RAD51C: variants seen among roughly 807,000 people sequenced by gnomAD.
RAD51C encodes DNA repair protein RAD51 homolog 3.
A neutral mutation model predicts 45.0 loss-of-function variants in RAD51C; 42 were observed. The observed-to-expected ratio is 0.93, with a 90% CI of 0.73 to 1.21. The LOEUF (loss-of-function observed/expected upper bound fraction) is 1.21. Ranked by LOEUF, RAD51C falls within the 50% of genes most tolerant of loss-of-function variation. The probability of loss-of-function intolerance (pLI) is 0.00; values close to 1 mark genes in which losing one functional copy is unlikely to be tolerated. For missense variants in RAD51C, 474 were observed against 452.2 expected (o/e 1.05, Z -0.44); for synonymous variants, 172 against 159.8 (o/e 1.08, Z -0.58).
intron 5 of RAD51C, among the ~76,000 whole-genome samples, chr17:58,715,714 C>T (rs1483037198): frequency 1.3e-5 from 2 of 152,118 alleles, no homozygotes; most frequent in Non-Finnish European, 2.9e-5. Context: ...GGATATATCA[C>T]ATTTTGTTTA....
rs2143963401 is a variant in RAD51C at position 58,724,102 on chromosome 17, T to G, written c.965+2T>G. 2 of 1,609,646 alleles carry G rather than the reference T, an allele frequency of 1.2e-6. No homozygotes were observed. Among genetic ancestry groups the G allele is most frequent in the Non-Finnish European group, 1.7e-6 (2 of 1,176,014 alleles). On this transcript the variant is annotated splice_donor_variant, in intron 7 of 8. Transcript: ENST00000337432. LOFTEE classifies it high-confidence loss of function. ...CTTTCATTGGGACCGAAAGCAAAGG[T>G]CAGTACAGAAACAAGTTAATAACTC...
intron 2 of RAD51C, among the ~76,000 whole-genome samples, chr17:58,696,379 G>T (rs1402844670): frequency 1.1e-4 from 17 of 152,174 alleles, no homozygotes; most frequent in Non-Finnish European, 7.3e-5. Flanking sequence ...CTTGCAGTGA[G>T]CCTGGATCAC....
intron 3 of RAD51C, among the ~76,000 whole-genome samples, chr17:58,701,830 T>C (rs1393644777): frequency 6.6e-6 from 1 of 151,950 alleles, no homozygotes; most frequent in Non-Finnish European, 1.5e-5. Context: ...CCCAAAGTGC[T>C]GTGATTACAA....
chr17:58,722,972 C>A (rs1203868736), intron 6 of RAD51C, among the ~76,000 whole-genome samples: 2 of 152,074 alleles, frequency 1.3e-5, no homozygotes, highest in African/African-American at 4.8e-5. Flanking sequence ...AATGACAAAC[C>A]CTTTGAGCTG....
chr17:58,715,299 A>T (rs1039044146), intron 5 of RAD51C, among the ~76,000 whole-genome samples: 2 of 146,202 alleles, frequency 1.4e-5, no homozygotes, highest in Non-Finnish European at 3.1e-5. Flanking sequence ...TAAAAATACA[A>T]AAAAATTAGC....
intron 5 of RAD51C, among the ~76,000 whole-genome samples, chr17:58,717,691 A>G (rs1262332759): frequency 2.0e-5 from 3 of 152,106 alleles, no homozygotes; most frequent in Non-Finnish European, 4.4e-5. Flanking sequence ...AGCCAAGATC[A>G]TGCCATTGCA....
At chr17:58,698,143 C>T (rs1325938238) in intron 3 of RAD51C, among the ~76,000 whole-genome samples, 2 of 150,456 alleles carry the variant, frequency 1.3e-5, no homozygotes, top group African/African-American at 4.9e-5. Flanking sequence ...TCCTGAGTAG[C>T]TGGAATTATA....
chr17:58,715,955 T>A (rs2048717188), intron 5 of RAD51C, among the ~76,000 whole-genome samples: 1 of 151,872 alleles, frequency 6.6e-6, no homozygotes, highest in African/African-American at 2.4e-5. Flanking sequence ...AAATACAAAA[T>A]TTAGCCAAGC....
At chr17:58,727,069 C>T (rs537034453) in intron 7 of RAD51C, among the ~76,000 whole-genome samples, 21 of 151,902 alleles carry the variant, frequency 1.4e-4, no homozygotes, top group Admixed American at 5.3e-4. Flanking sequence ...ATCCACCCGC[C>T]TCGGCCTCCC....
At chr17:58,714,703 C>T (rs936609426) in intron 5 of RAD51C, among the ~76,000 whole-genome samples, 1 of 152,138 alleles carries the variant, frequency 6.6e-6, no homozygotes, top group Non-Finnish European at 1.5e-5. Flanking sequence ...GTGATCCACC[C>T]GCCTCAGCCT....
intron 5 of RAD51C, among the ~76,000 whole-genome samples, 155 bp downstream of exon 5, chr17:58,710,145 T>C (rs1051928024): frequency 1.3e-5 from 2 of 152,068 alleles, no homozygotes; most frequent in Non-Finnish European, 2.9e-5. Context: ...TAAAAAATTC[T>C]GGTCATAAGT....
At chr17:58,703,933 CTTTTTTTTTTTTTT>C (rs67254535) in intron 4 of RAD51C, among the ~76,000 whole-genome samples, 8 of 66,528 alleles carry the variant, frequency 1.2e-4, no homozygotes, top group South Asian at 4.9e-4. Context: ...CATGTATCAC[CTTTTTTTTTTTTTT>C]TTTTTTTTTT....
intron 8 of RAD51C, among the ~76,000 whole-genome samples, chr17:58,733,811 C>G (rs28363334): frequency 6.6e-6 from 1 of 152,132 alleles, no homozygotes; most frequent in African/African-American, 2.4e-5. Context: ...CTCCGCCTCC[C>G]AGGTTCAAGC....
chr17:58,700,842 A>C (rs2143780421), intron 3 of RAD51C, among the ~76,000 whole-genome samples: 1 of 152,244 alleles, frequency 6.6e-6, no homozygotes, highest in South Asian at 2.1e-4. Flanking sequence ...TTCTATTTTA[A>C]AATATAGCTT....
At chr17:58,732,268 T>C in intron 7 of RAD51C, 3 of 451,774 alleles carry the variant, frequency 6.6e-6, no homozygotes, top group Non-Finnish European at 1.2e-5. Context: ...CATTGGACTT[T>C]TAGGTTGCTT....
At position 58,706,847 on chromosome 17, in the gene RAD51C, C is replaced by T. The variant is rs2048395465; in HGVS notation, c.706-3012C>T. Among the ~76,000 whole-genome samples, 7 of 152,184 alleles carry T rather than the reference C, an allele frequency of 4.6e-5. No homozygotes were observed. In the South Asian group the frequency reaches 1.4e-3, roughly 32 times the overall value. ...GGCTTCTGCTGAGATGGCTGATTAA[C>T]ATCATGGATAATCTATTTATAGAGT... On this transcript the variant is annotated intron_variant, in intron 4 of 8. Transcript: ENST00000337432.
At position 58,728,123 on chromosome 17, in the gene RAD51C, T is replaced by G. The variant is rs535747651; in HGVS notation, c.965+4023T>G. Among the ~76,000 whole-genome samples, 89 of 151,360 alleles carry G rather than the reference T, an allele frequency of 5.9e-4. 1 individual carries two copies. Among genetic ancestry groups the G allele is most frequent in the Middle Eastern group, 6.8e-3 (2 of 294 alleles). On this transcript the variant is annotated intron_variant, in intron 7 of 8. Transcript: ENST00000337432. ...AGCCAGGCATGGTGGCGGGCACCTG[T>G]AATCCCAACTACTCAGGAGGCTGAG... is the stretch of plus-strand genomic sequence containing the variant.
chr17:58,700,446 A>G (rs1287788137), intron 3 of RAD51C, among the ~76,000 whole-genome samples: 1 of 151,910 alleles, frequency 6.6e-6, no homozygotes, highest in Non-Finnish European at 1.5e-5. Context: ...ATTTTAATTA[A>G]TTAATTTATT....
intron 5 of RAD51C, among the ~76,000 whole-genome samples, chr17:58,715,429 G>A (rs2048699008): frequency 6.8e-6 from 1 of 146,298 alleles, no homozygotes; most frequent in East Asian, 2.0e-4. Context: ...ACTCCAGCCT[G>A]GGCAACAAGA....
Sources: allele counts gnomAD v4.1 joint callset (sites outside exome capture counted in the v4.1 genomes callset), GRCh38; gene constraint gnomAD v4.1.1; transcripts MANE v1.5; gene names NCBI Gene and HGNC (gene_info 2026-07-23, HGNC 2026-07-21).